The following SND1 variants were observed in gnomAD, a reference collection of about 807,000 sequenced individuals.
SND1 encodes the protein staphylococcal nuclease and tudor domain containing 1, also known as staphylococcal nuclease domain-containing protein 1.
Under a neutral mutation model 121.7 loss-of-function variants are expected in SND1, and 38 were observed. The ratio of observed to expected loss-of-function variants is 0.31; its 90% CI spans 0.24 to 0.41. The LOEUF is 0.41. SND1 is among the 10% of genes least tolerant of loss of function. SND1 has a pLI of 1.00. For missense variants in SND1, 868 were observed against 1,184.6 expected (o/e 0.73, Z 3.92); for synonymous variants, 401 against 447.4 (o/e 0.90, Z 1.31).
chr7:128,013,617 T>C lies in SND1; in HGVS notation c.1779+22561T>C, dbSNP rs529067467. ...ATGGACTGGTCGGGTGAGGCAATGGTTTGGGGATGAAACTGTTACACCTCA... is the reference window on the plus strand; with the variant it reads ...ATGGACTGGTCGGGTGAGGCAATGGCTTGGGGATGAAACTGTTACACCTCA... On this transcript the variant is annotated intron_variant, in intron 16 of 23. Coordinates refer to ENST00000354725, the MANE Select transcript of SND1 (RefSeq NM_014390.4). Among the ~76,000 whole-genome samples, 5 of 152,230 alleles carry C rather than the reference T, an allele frequency of 3.3e-5. No homozygotes were observed. The South Asian group carries it at 1.0e-3, about 32-fold the overall frequency.
chr7:128,092,444 C>T lies in SND1; in HGVS notation c.*386C>T. ...GGCACCTGCCTCTATCCCAGACTGC[C>T]CTCGTCCCAGCTCTCTGTCCAACTG... On this transcript the variant is annotated 3_prime_UTR_variant, in exon 24 of 24. Transcript: ENST00000354725. The surrounding 1 kb of genome is among the most constrained non-coding windows in gnomAD (Gnocchi z 4.9). 4.2e-6 allele frequency: 1 copy of T among 236,024 alleles called. No individual in the cohort carries two copies. The highest frequency in any genetic ancestry group is 8.3e-6 in the Non-Finnish European group (1 of 120,326). 14.6% of individuals were successfully genotyped at this position (236,024 alleles called of 1,614,324 possible).
Position 127,929,315 on chromosome 7 carries a change from C to G in SND1, c.1655C>G (p.Thr552Ser), listed in dbSNP as rs1168915480. Residue 552 changes from threonine (T) to serine (S), a missense_variant, in exon 15 of 24, where the codon ACC (threonine) becomes AGC (serine). Thr to Ser is a moderately conservative substitution (Grantham distance 58). This residue lies in a region of SND1 where 743 missense variants were observed against 1,071.3 expected (regional missense o/e 0.69). Transcript: ENST00000354725. ...LYLPKETCLI[T>S]FLLAGIECPR... ...TTGCCAAAGGAAACTTGCCTTATCA[C>G]CTTCTTGCTTGCAGGTAAGTCTTAT... 6.8e-6 allele frequency: 11 copies of G among 1,613,946 alleles called. No homozygotes were observed. The highest frequency in any genetic ancestry group is 8.5e-6 in the Non-Finnish European group (10 of 1,179,954).
chr7:127,942,740 A>T (rs1195243764), intron 15 of SND1, among the ~76,000 whole-genome samples: 1 of 152,218 alleles, frequency 6.6e-6, no homozygotes, highest in Non-Finnish European at 1.5e-5. Flanking sequence ...CAAATTCTGC[A>T]GTTGATAGAA....
At chr7:127,714,583 T>G (rs770979491) in intron 9 of SND1, among the ~76,000 whole-genome samples, 100 of 152,228 alleles carry the variant, frequency 6.6e-4, no homozygotes, top group Admixed American at 1.2e-3. Context: ...CACCACCACA[T>G]ATCTCTACAA....
At chr7:127,849,492 C>G (rs1353869960) in intron 12 of SND1, among the ~76,000 whole-genome samples, 7 of 152,218 alleles carry the variant, frequency 4.6e-5, no homozygotes, top group Admixed American at 4.6e-4. Context: ...GTAAGCCACA[C>G]AGATACACAC....
chr7:128,041,245 G>A (rs908100268), intron 16 of SND1, among the ~76,000 whole-genome samples: 2 of 152,002 alleles, frequency 1.3e-5, no homozygotes, highest in Non-Finnish European at 2.9e-5. Context: ...GATTAGCCTG[G>A]GCAATATAAT....
At chr7:127,703,074 A>T (rs1796130760) in intron 6 of SND1, 91 bp from the exon 7 acceptor site, 2 of 1,393,410 alleles carry the variant, frequency 1.4e-6, no homozygotes, top group East Asian at 2.3e-5. Context: ...GCTTCGTGGC[A>T]TGTGTGTTTT....
At chr7:127,830,576 T>C (rs1798720853) in intron 11 of SND1, among the ~76,000 whole-genome samples, 1 of 152,192 alleles carries the variant, frequency 6.6e-6, no homozygotes, top group Admixed American at 6.5e-5. Flanking sequence ...TTTGGACATC[T>C]TTCCATAGCA....
intron 14 of SND1, among the ~76,000 whole-genome samples, chr7:127,915,525 C>T (rs938817240): frequency 1.3e-5 from 2 of 152,156 alleles, no homozygotes; most frequent in African/African-American, 4.8e-5. Flanking sequence ...AATGAATGAT[C>T]AAACAATAAG....
chr7:127,680,655 C>T (rs1392380981), intron 1 of SND1, among the ~76,000 whole-genome samples: 2 of 151,540 alleles, frequency 1.3e-5, no homozygotes, highest in Non-Finnish European at 2.9e-5. Flanking sequence ...TGCTGTTATC[C>T]TGTTCTTTTT....
At chr7:127,704,982 T>C in intron 8 of SND1, 37 bp downstream of exon 8, 1 of 1,536,556 alleles carries the variant, frequency 6.5e-7, no homozygotes, top group Non-Finnish European at 9.0e-7. Context: ...GCTGTGGATC[T>C]TGTTAAGGAT....
At chr7:128,030,856 C>T (rs746717636) in intron 16 of SND1, 88 of 532,776 alleles carry the variant, frequency 1.7e-4, no homozygotes, top group Non-Finnish European at 2.5e-4. Context: ...GCAAGCCCTC[C>T]GAAAGCTACG....
intron 10 of SND1, among the ~76,000 whole-genome samples, chr7:127,766,771 CAAAAAAAAA>C (rs59243807): frequency 0.018 from 586 of 33,234 alleles, 10 homozygotes; most frequent in African/African-American, 0.036. Context: ...GACTTTGTCT[CAAAAAAAAA>C]AAAAAAAAAA....
intron 22 of SND1, among the ~76,000 whole-genome samples, chr7:128,090,599 G>A (rs1793762012): frequency 6.6e-6 from 1 of 152,198 alleles, no homozygotes; most frequent in African/African-American, 2.4e-5. Context: ...TCAGAGACAG[G>A]GGCAAGAAAG....
At chr7:128,030,732 T>A in intron 16 of SND1, 2 of 1,437,928 alleles carry the variant, frequency 1.4e-6, no homozygotes, top group Non-Finnish European at 1.9e-6. Context: ...TAGGAGCTCC[T>A]CTTTCCATCT....
At chr7:127,704,413 G>A (rs1026990940) in intron 7 of SND1, among the ~76,000 whole-genome samples, 1 of 152,292 alleles carries the variant, frequency 6.6e-6, no homozygotes, top group Admixed American at 6.5e-5. Flanking sequence ...TGTAGCTTCC[G>A]TTATTCCCTG....
intron 16 of SND1, among the ~76,000 whole-genome samples, chr7:128,003,582 A>C (rs1802887854): frequency 1.3e-5 from 2 of 152,150 alleles, no homozygotes; most frequent in African/African-American, 4.8e-5. Flanking sequence ...CATCTCTATA[A>C]TGCTTGCGGT....
intron 10 of SND1, among the ~76,000 whole-genome samples, chr7:127,731,916 A>G (rs2116412849): frequency 6.6e-6 from 1 of 152,276 alleles, no homozygotes; most frequent in African/African-American, 2.4e-5. Context: ...AAAATCCTAT[A>G]ACCTTTCATC....
At chr7:127,960,672 G>A (rs568041028) in intron 15 of SND1, among the ~76,000 whole-genome samples, 1 of 152,352 alleles carries the variant, frequency 6.6e-6, no homozygotes, top group South Asian at 2.1e-4. Context: ...CATTAAATCT[G>A]TATCCACCAT....
Sources: gnomAD v4.1 joint callset for allele counts (sites outside exome capture counted in the v4.1 genomes callset) on GRCh38, gnomAD v4.1.1 for gene constraint, gnomAD v4.1.1 regional missense constraint, Gnocchi (gnomAD v3.1) non-coding constraint, MANE v1.5 for transcripts, NCBI Gene and HGNC (gene_info 2026-07-23, HGNC 2026-07-21) for gene names.